Variants in KATNAL1 observed in about 807,000 individuals in gnomAD.
KATNAL1 encodes the protein katanin catalytic subunit A1 like 1.
In KATNAL1, 32 loss-of-function variants were observed where a neutral mutation model predicts 55.2. The ratio of observed to expected loss-of-function variants is 0.58; its 90% confidence interval spans 0.44 to 0.78. The LOEUF (loss-of-function observed/expected upper bound fraction) is 0.78. KATNAL1 is among the 30% of genes least tolerant of loss of function. The pLI is 0.00. For missense variants in KATNAL1, 466 were observed against 600.9 expected (o/e 0.78, Z 2.35); for synonymous variants, 193 against 193.6 (o/e 1.00, Z 0.02).
intron 9 of KATNAL1, among the ~76,000 whole-genome samples, chr13:30,223,265 C>T (rs1875082457): frequency 6.6e-6 from 1 of 150,790 alleles, no homozygotes; most frequent in Non-Finnish European, 1.5e-5. Flanking sequence ...CGGTGAAACT[C>T]CGTCTCTACT....
intron 7 of KATNAL1, 131 bp downstream of exon 7, chr13:30,231,183 G>C: frequency 1.7e-6 from 1 of 597,068 alleles, no homozygotes; most frequent in Admixed American, 3.1e-5. Context: ...ATTCTCATCA[G>C]TGTGTCAAGA....
chr13:30,274,667 A>G (rs971670102), intron 3 of KATNAL1, among the ~76,000 whole-genome samples: 11 of 152,182 alleles, frequency 7.2e-5, no homozygotes, highest in African/African-American at 2.7e-4. Flanking sequence ...CAGTATGGAG[A>G]GTCCTCAAAA....
Position 30,204,737 on chromosome 13 carries a change from T to G in KATNAL1, c.*3803A>C, listed in dbSNP as rs191519967. The G allele has an allele frequency of 1.2e-4, 19 of 152,368 alleles. No individual in the cohort carries two copies. Among genetic ancestry groups the G allele is most frequent in the Non-Finnish European group, 2.2e-4 (15 of 68,044 alleles). 9.4% of individuals were successfully genotyped at this position (152,368 alleles called of 1,614,324 possible). On this transcript the variant is annotated 3_prime_UTR_variant, in exon 11 of 11. Transcript: ENST00000380615. ...GCTTACTTTTTGAGTAATTCGTGCT[T>G]TCAGCCTATGTTTTGAGAGTGAAAT... is the stretch of plus-strand genomic sequence containing the variant.
At chr13:30,235,600 A>G (rs768452425) in intron 6 of KATNAL1, among the ~76,000 whole-genome samples, 1 of 152,244 alleles carries the variant, frequency 6.6e-6, no homozygotes, top group African/African-American at 2.4e-5. Flanking sequence ...GTGATGCAAC[A>G]ATCTCCATAT....
chr13:30,270,530 T>C (rs1880249655), intron 3 of KATNAL1, among the ~76,000 whole-genome samples: 1 of 152,046 alleles, frequency 6.6e-6, no homozygotes, highest in African/African-American at 2.4e-5. Context: ...GCCGTGTCTG[T>C]GTAGAAAGAG....
chr13:30,290,635 T>C (rs1372448908), intron 1 of KATNAL1, among the ~76,000 whole-genome samples: 1 of 152,092 alleles, frequency 6.6e-6, no homozygotes, highest in Non-Finnish European at 1.5e-5. Context: ...CAGACAAAGA[T>C]CTTATCAGAA....
chr13:30,270,897 A>G (rs1880298384), intron 3 of KATNAL1, among the ~76,000 whole-genome samples: 1 of 151,748 alleles, frequency 6.6e-6, no homozygotes, highest in East Asian at 1.9e-4. Context: ...GAAACACCCA[A>G]GAATGATCAA....
At chr13:30,266,018 A>G (rs1163830518) in intron 3 of KATNAL1, among the ~76,000 whole-genome samples, 1 of 148,384 alleles carries the variant, frequency 6.7e-6, no homozygotes, top group Non-Finnish European at 1.5e-5. Flanking sequence ...ATCTCAAAAA[A>G]AAAAAAAAAA....
chr13:30,230,294 A>G (rs889562480), intron 8 of KATNAL1, among the ~76,000 whole-genome samples, 174 bp downstream of exon 8: 2 of 152,218 alleles, frequency 1.3e-5, no homozygotes, highest in African/African-American at 2.4e-5. Context: ...ATGGTGCATG[A>G]TCTCTAACAA....
intron 1 of KATNAL1, among the ~76,000 whole-genome samples, chr13:30,301,674 T>C (rs984528852): frequency 6.6e-6 from 1 of 152,154 alleles, no homozygotes; most frequent in Non-Finnish European, 1.5e-5. Context: ...TACAATTTAC[T>C]GCCTCAAATT....
chr13:30,269,637 C>T (rs149733323), intron 3 of KATNAL1, among the ~76,000 whole-genome samples: 10,429 of 151,402 alleles, frequency 0.069, 669 homozygotes, highest in East Asian at 0.17. Flanking sequence ...AGCGCCTCTG[C>T]CTGGCCGCCC....
chr13:30,274,895 G>A (rs770255740), intron 3 of KATNAL1, among the ~76,000 whole-genome samples: 1,798 of 97,998 alleles, frequency 0.018, 19 homozygotes, highest in Non-Finnish European at 0.025. Context: ...ACACATACGC[G>A]CGCGCGCGCG....
intron 9 of KATNAL1, among the ~76,000 whole-genome samples, chr13:30,218,788 A>ATC (rs1874563769): frequency 6.6e-6 from 1 of 152,196 alleles, no homozygotes; most frequent in Admixed American, 6.5e-5. Context: ...CTTGTGAATG[A>ATC]AGACATTCCA....
At chr13:30,237,003 A>C (rs1275861876) in intron 6 of KATNAL1, among the ~76,000 whole-genome samples, 1 of 152,196 alleles carries the variant, frequency 6.6e-6, no homozygotes, top group Non-Finnish European at 1.5e-5. Context: ...TCTCCACAGC[A>C]GACTAAGTCC....
intron 9 of KATNAL1, among the ~76,000 whole-genome samples, chr13:30,216,234 C>T (rs1444344192): frequency 1.3e-5 from 2 of 151,992 alleles, no homozygotes; most frequent in Non-Finnish European, 2.9e-5. Context: ...TATGGAAAAG[C>T]AATACATTAT....
intron 4 of KATNAL1, among the ~76,000 whole-genome samples, chr13:30,250,156 T>A (rs1878166671): frequency 6.6e-6 from 1 of 152,224 alleles, no homozygotes; most frequent in South Asian, 2.1e-4. Flanking sequence ...GGTATTTATA[T>A]CACAGAATTA....
chr13:30,227,579 T>C lies in KATNAL1; in HGVS notation c.1013-33A>G, dbSNP rs766258481. On this transcript the variant is annotated intron_variant, in intron 8 of 10. Coordinates refer to ENST00000380615, the MANE Select transcript of KATNAL1 (RefSeq NM_032116.5). ...CAGTAAGGGAGGAAAAGATAGTGTT[T>C]TTCTTACAACTCTTTATTCTTTCAT... The C allele has an allele frequency of 5.0e-6, 8 of 1,587,938 alleles. No homozygotes were observed. In the East Asian group the frequency reaches 1.8e-4, roughly 36 times the overall value.
At chr13:30,239,332 C>G (rs1323774907) in intron 6 of KATNAL1, among the ~76,000 whole-genome samples, 3 of 152,104 alleles carry the variant, frequency 2.0e-5, no homozygotes, top group African/African-American at 7.2e-5. Context: ...ATTGCTTGAA[C>G]CCAGGAGGCA....
intron 4 of KATNAL1, among the ~76,000 whole-genome samples, chr13:30,246,511 G>C (rs1199798013): frequency 6.6e-6 from 1 of 152,106 alleles, no homozygotes; most frequent in African/African-American, 2.4e-5. Context: ...AAACACCAAA[G>C]CAATGGCAAC....
Sources: allele counts gnomAD v4.1 joint callset (sites outside exome capture counted in the v4.1 genomes callset), GRCh38; gene constraint gnomAD v4.1.1; transcripts MANE v1.5; gene names NCBI Gene and HGNC (gene_info 2026-07-23, HGNC 2026-07-21).